Variants in CSMD1 observed in about 807,000 individuals in gnomAD.
CSMD1 encodes CUB and Sushi multiple domains 1, also known as CUB and sushi domain-containing protein 1.
Under a neutral mutation model 417.5 loss-of-function variants are expected in CSMD1, and 213 were observed. The observed-to-expected ratio is 0.51, with a 90% CI of 0.46 to 0.57. The LOEUF is 0.57. Ranked by LOEUF, CSMD1 falls within the 20% of genes least tolerant of loss-of-function variation. CSMD1 has a pLI of 0.00. For synonymous variants in CSMD1, 2,862 were observed against 1,736.8 expected (o/e 1.65, Z -16.11); for missense variants, 6,923 against 4,529.7 (o/e 1.53, Z -15.17).
intron 2 of CSMD1, among the ~76,000 whole-genome samples, chr8:4,621,902 A>G (rs556426827): frequency 6.6e-6 from 1 of 152,004 alleles, no homozygotes. Flanking sequence ...AATGTAATTG[A>G]ACATATAAAC....
Position 3,247,623 on chromosome 8 carries a change from G to T in CSMD1, c.4154-17392C>A, listed in dbSNP as rs558676992. Among the ~76,000 whole-genome samples, 9 of 152,234 alleles carry T rather than the reference G, an allele frequency of 5.9e-5. No individual in the cohort carries two copies. In the East Asian group the frequency reaches 1.7e-3, roughly 29 times the overall value. On this transcript the variant is annotated intron_variant, in intron 26 of 69. Transcript: ENST00000635120. Reference sequence around the variant, plus strand: ...GTGGGGAGAACATCAGCCAGAGGTGGCCTCTGAGCCTGGGTCAGCAGGCAA... The same window carrying T: ...GTGGGGAGAACATCAGCCAGAGGTGTCCTCTGAGCCTGGGTCAGCAGGCAA...
At chr8:4,287,877 T>C (rs1585163388) in intron 3 of CSMD1, among the ~76,000 whole-genome samples, 1 of 152,154 alleles carries the variant, frequency 6.6e-6, no homozygotes, top group East Asian at 1.9e-4. Context: ...ACAAGGGCAG[T>C]CTCAGGACAT....
At chr8:4,030,803 G>C (rs983362149) in intron 4 of CSMD1, among the ~76,000 whole-genome samples, 1 of 152,066 alleles carries the variant, frequency 6.6e-6, no homozygotes, top group African/African-American at 2.4e-5. Flanking sequence ...TTATAAAACT[G>C]AAAGCTTTAC....
intron 7 of CSMD1, among the ~76,000 whole-genome samples, chr8:3,619,821 A>T (rs557762801): frequency 6.6e-6 from 1 of 152,224 alleles, no homozygotes; most frequent in Non-Finnish European, 1.5e-5. Context: ...CACACAACGT[A>T]ATATATTCAA....
At chr8:4,158,348 A>T (rs1196710295) in intron 3 of CSMD1, among the ~76,000 whole-genome samples, 1 of 152,120 alleles carries the variant, frequency 6.6e-6, no homozygotes, top group Non-Finnish European at 1.5e-5. Context: ...ATACATTGCA[A>T]AGAAAACCCG....
At chr8:4,696,208 A>G (rs1322373145) in intron 1 of CSMD1, among the ~76,000 whole-genome samples, 3 of 152,212 alleles carry the variant, frequency 2.0e-5, no homozygotes, top group African/African-American at 7.2e-5. Context: ...AGGATATGTT[A>G]TTTTCAGTCT....
At chr8:3,785,942 G>T (rs568022391) in intron 5 of CSMD1, among the ~76,000 whole-genome samples, 2 of 152,206 alleles carry the variant, frequency 1.3e-5, no homozygotes, top group African/African-American at 4.8e-5. Context: ...GAAATGGAAG[G>T]CAGACAATTG....
chr8:4,235,916 G>T (rs544971101), intron 3 of CSMD1, among the ~76,000 whole-genome samples: 13 of 151,978 alleles, frequency 8.6e-5, no homozygotes, highest in African/African-American at 2.9e-4. Flanking sequence ...CGCAGCTTCC[G>T]CCAACAAACC....
chr8:3,940,465 C>G (rs1369656210), intron 5 of CSMD1, among the ~76,000 whole-genome samples: 1 of 150,344 alleles, frequency 6.7e-6, no homozygotes, highest in Non-Finnish European at 1.5e-5. Flanking sequence ...CAAAATAATT[C>G]AGTATATTCA....
intron 27 of CSMD1, among the ~76,000 whole-genome samples, chr8:3,227,664 G>A (rs1404907616): frequency 6.6e-6 from 1 of 152,038 alleles, no homozygotes; most frequent in Non-Finnish European, 1.5e-5. Context: ...CACTAAAAAC[G>A]AGTAGAAAAT....
chr8:3,961,785 G>T (rs765097791), intron 5 of CSMD1, among the ~76,000 whole-genome samples: 1 of 152,150 alleles, frequency 6.6e-6, no homozygotes, highest in Admixed American at 6.5e-5. Context: ...TGATAATGGT[G>T]CACTGGGTTT....
intron 5 of CSMD1, among the ~76,000 whole-genome samples, chr8:3,843,615 A>G (rs1253543621): frequency 6.6e-6 from 1 of 152,156 alleles, no homozygotes; most frequent in Admixed American, 6.5e-5. Context: ...TATTTTAAAG[A>G]GAAATTTGTT....
chr8:3,389,829 G>A (rs771411824), intron 17 of CSMD1, among the ~76,000 whole-genome samples: 1 of 152,148 alleles, frequency 6.6e-6, no homozygotes, highest in Non-Finnish European at 1.5e-5. Context: ...TTGATGCTTA[G>A]TTCCAATATT....
At chr8:3,045,639 TG>T (rs1224381563) in intron 50 of CSMD1, among the ~76,000 whole-genome samples, 7 of 152,190 alleles carry the variant, frequency 4.6e-5, no homozygotes, top group African/African-American at 1.7e-4. Flanking sequence ...AAGTGGCACC[TG>T]TTTCCTGCTT....
intron 10 of CSMD1, among the ~76,000 whole-genome samples, chr8:3,519,598 G>C (rs1335327965): frequency 1.3e-5 from 2 of 152,108 alleles, no homozygotes. Flanking sequence ...CTTCAAATCA[G>C]AAAGGGATGA....
chr8:4,122,564 T>C (rs1802545923), intron 3 of CSMD1, among the ~76,000 whole-genome samples: 1 of 152,180 alleles, frequency 6.6e-6, no homozygotes, highest in East Asian at 1.9e-4. Flanking sequence ...GCTTTCCCAA[T>C]GTTTGGAGGA....
At chr8:4,186,980 T>A (rs1798717082) in intron 3 of CSMD1, among the ~76,000 whole-genome samples, 1 of 152,064 alleles carries the variant, frequency 6.6e-6, no homozygotes, top group African/African-American at 2.4e-5. Context: ...AGATTCTGTC[T>A]CAAAAAAATA....
chr8:3,558,451 A>T (rs1224273417), intron 10 of CSMD1, among the ~76,000 whole-genome samples: 3 of 149,968 alleles, frequency 2.0e-5, no homozygotes, highest in Admixed American at 2.0e-4. Context: ...TGCAATGATG[A>T]ATAGTGTCTC....
chr8:4,877,338 G>C (rs761463684), intron 1 of CSMD1, among the ~76,000 whole-genome samples: 1 of 151,938 alleles, frequency 6.6e-6, no homozygotes, highest in Non-Finnish European at 1.5e-5. Flanking sequence ...TCAGGGTTAA[G>C]ATAAATTATG....
Sources: gnomAD v4.1 joint callset for allele counts (sites outside exome capture counted in the v4.1 genomes callset) on GRCh38, gnomAD v4.1.1 for gene constraint, MANE v1.5 for transcripts, NCBI Gene and HGNC (gene_info 2026-07-23, HGNC 2026-07-21) for gene names.